The following GULP1 variants were observed in gnomAD, a reference collection of about 807,000 sequenced individuals.
GULP1 encodes the protein GULP PTB domain containing engulfment adaptor 1.
Under a neutral mutation model 40.9 loss-of-function variants are expected in GULP1, and 19 were observed. The observed-to-expected ratio is 0.46, with a 90% CI of 0.32 to 0.68. The LOEUF (loss-of-function observed/expected upper bound fraction) is 0.68. GULP1 is among the 30% of genes least tolerant of loss of function. The pLI is 0.03. For missense variants in GULP1, 312 were observed against 362.2 expected, an observed-to-expected ratio of 0.86 and a Z score of 1.12; for synonymous variants, 119 against 117.6, an observed-to-expected ratio of 1.01 and a Z score of -0.08.
chr2:188,310,955 C>A (rs34557812), intron 1 of GULP1, among the ~76,000 whole-genome samples: 22,998 of 152,144 alleles, frequency 0.15, 1,889 homozygotes, highest in African/African-American at 0.17. Flanking sequence ...GAAATTGTAT[C>A]TAATATTTGT....
intron 5 of GULP1, among the ~76,000 whole-genome samples, chr2:188,523,417 T>C (rs1413391078): frequency 6.6e-6 from 1 of 152,194 alleles, no homozygotes; most frequent in African/African-American, 2.4e-5. Flanking sequence ...GAGAAAATCT[T>C]ACATAAGATG....
At position 188,593,862 on chromosome 2, in the gene GULP1, G is replaced by A. The variant is rs1239651696; in HGVS notation, c.844-78G>A. 5 of 805,858 alleles carry A rather than the reference G, an allele frequency of 6.2e-6. No individual in the cohort carries two copies. The East Asian group carries it at 1.3e-4, about 20-fold the overall frequency. 49.9% of individuals were successfully genotyped at this position (805,858 alleles called of 1,614,324 possible). The stretch of plus-strand genomic sequence containing the variant: ...TCAAAGCATGAATATTTCAACTTTA[G>A]TGCATAGTCTTTTTTATTCACTGAT... On this transcript the variant is annotated intron_variant, in intron 11 of 11. Transcript: ENST00000409830.
intron 11 of GULP1, chr2:188,588,552 AT>A (rs929035490): frequency 6.5e-6 from 1 of 152,956 alleles, no homozygotes; most frequent in African/African-American, 2.4e-5. Context: ...ATGGGCCATG[AT>A]TTAAAAATAG....
chr2:188,422,899 C>T (rs1210105056), intron 2 of GULP1, among the ~76,000 whole-genome samples: 1 of 152,076 alleles, frequency 6.6e-6, no homozygotes, highest in Non-Finnish European at 1.5e-5. Flanking sequence ...CCTCCTTGTA[C>T]AGCACTATTT....
chr2:188,318,207 T>G (rs2039417543), intron 1 of GULP1, among the ~76,000 whole-genome samples: 1 of 152,150 alleles, frequency 6.6e-6, no homozygotes, highest in Admixed American at 6.6e-5. Flanking sequence ...GCAAAGCATT[T>G]TTTTGACTGT....
chr2:188,345,472 A>G (rs1028984449), intron 1 of GULP1, among the ~76,000 whole-genome samples: 1 of 152,196 alleles, frequency 6.6e-6, no homozygotes, highest in Non-Finnish European at 1.5e-5. Context: ...ACAATTTTTT[A>G]AAAAAGAAAT....
intron 1 of GULP1, among the ~76,000 whole-genome samples, chr2:188,366,308 T>C (rs146755517): frequency 1.8e-4 from 27 of 152,252 alleles, no homozygotes; most frequent in Admixed American, 3.9e-4. Flanking sequence ...GCCACTGGAC[T>C]AAGAATACCA....
intron 6 of GULP1, among the ~76,000 whole-genome samples, chr2:188,539,400 A>G (rs1689840226): frequency 6.6e-6 from 1 of 152,152 alleles, no homozygotes. Flanking sequence ...TAAAACAAAA[A>G]AAAATCAATA....
At chr2:188,429,232 C>T (rs1374391631) in intron 2 of GULP1, among the ~76,000 whole-genome samples, 1 of 152,078 alleles carries the variant, frequency 6.6e-6, no homozygotes, top group Non-Finnish European at 1.5e-5. Flanking sequence ...GCTGGGTGTG[C>T]TGGCTGTCAC....
chr2:188,549,213 C>T (rs187105113), intron 7 of GULP1, among the ~76,000 whole-genome samples: 1 of 151,776 alleles, frequency 6.6e-6, no homozygotes, highest in Non-Finnish European at 1.5e-5. Flanking sequence ...TTAGATGCTC[C>T]TTATCAAATT....
intron 2 of GULP1, among the ~76,000 whole-genome samples, chr2:188,403,708 G>A (rs2052643142): frequency 6.6e-6 from 1 of 152,140 alleles, no homozygotes. Context: ...CAACCAAAAG[G>A]TGGCTGTGGC....
chr2:188,540,539 G>T (rs1392676159), intron 6 of GULP1, among the ~76,000 whole-genome samples: 4 of 151,824 alleles, frequency 2.6e-5, no homozygotes, highest in Non-Finnish European at 5.9e-5. Flanking sequence ...GCGTGATTTG[G>T]AGTCTGGATA....
intron 2 of GULP1, among the ~76,000 whole-genome samples, chr2:188,388,565 A>G (rs1463613444): frequency 1.3e-5 from 2 of 151,932 alleles, no homozygotes; most frequent in African/African-American, 4.8e-5. Context: ...AAAACAAAAA[A>G]CAAAAAGAAG....
intron 2 of GULP1, among the ~76,000 whole-genome samples, chr2:188,433,116 G>A (rs1200855194): frequency 6.6e-6 from 1 of 152,050 alleles, no homozygotes; most frequent in Non-Finnish European, 1.5e-5. Context: ...TTTAAAATGT[G>A]TACACTAGAA....
chr2:188,329,144 C>CTTT (rs75423691), intron 1 of GULP1, among the ~76,000 whole-genome samples: 9 of 147,016 alleles, frequency 6.1e-5, no homozygotes, highest in Admixed American at 2.1e-4. Flanking sequence ...CTATTGGACT[C>CTTT]TTTTTTTTTT....
At chr2:188,321,913 G>T (rs1434068748) in intron 1 of GULP1, among the ~76,000 whole-genome samples, 1 of 152,108 alleles carries the variant, frequency 6.6e-6, no homozygotes, top group Non-Finnish European at 1.5e-5. Flanking sequence ...TACTTGGGAG[G>T]CTGAGGCATG....
intron 2 of GULP1, among the ~76,000 whole-genome samples, chr2:188,471,556 T>C (rs933944814): frequency 6.6e-6 from 1 of 152,138 alleles, no homozygotes; most frequent in African/African-American, 2.4e-5. Context: ...TGGTTTGAGG[T>C]TACAATGAGG....
At chr2:188,367,073 TG>T (rs2046903319) in intron 1 of GULP1, among the ~76,000 whole-genome samples, 1 of 152,258 alleles carries the variant, frequency 6.6e-6, no homozygotes, top group African/African-American at 2.4e-5. Flanking sequence ...GTTAAATTTT[TG>T]TTTATATGTG....
At chr2:188,582,466 C>T (rs1033790801) in intron 9 of GULP1, 9 of 471,596 alleles carry the variant, frequency 1.9e-5, no homozygotes, top group African/African-American at 6.0e-5. Flanking sequence ...CTCCTATCAA[C>T]TCGCCTGATT....
Sources: gnomAD v4.1 joint callset for allele counts (sites outside exome capture counted in the v4.1 genomes callset) on GRCh38, gnomAD v4.1.1 for gene constraint, MANE v1.5 for transcripts, NCBI Gene and HGNC (gene_info 2026-07-23, HGNC 2026-07-21) for gene names.